The following PIGG variants were observed in gnomAD, a reference collection of about 807,000 sequenced individuals.
PIGG encodes GPI ethanolamine phosphate transferase 2, catalytic subunit.
In PIGG, 70 loss-of-function variants were observed where a neutral mutation model predicts 83.2. The ratio of observed to expected loss-of-function variants is 0.84; its 90% CI spans 0.69 to 1.03. The LOEUF (loss-of-function observed/expected upper bound fraction) is 1.03, where lower values mean the gene tolerates loss of function less well. PIGG is among the 50% of genes least tolerant of loss of function. The pLI, the probability that PIGG is intolerant of heterozygous loss-of-function variation, is 0.00. For synonymous variants in PIGG, 532 were observed against 519.5 expected (o/e 1.02, Z -0.33); for missense variants, 1,257 against 1,233.6 (o/e 1.02, Z -0.28).
rs1433009389 is a variant in PIGG, at chr4:523,463, C to A, written c.1619C>A (p.Pro540His). The change falls in exon 9 of 13, where the codon CCC becomes CAC. Residue 540 changes from proline to histidine, a missense_variant. By Grantham distance (77) the Pro-to-His change is moderately conservative. Transcript: ENST00000453061. ...LVGGNTPRKN[P>H]MHPSSRWSEL... Reference sequence around the variant, plus strand: ...AGTGCACTTTCCTTTTCACAGAACCCCATGCATCCCAGCTCAAGGTGGTCA... The same window carrying A: ...AGTGCACTTTCCTTTTCACAGAACCACATGCATCCCAGCTCAAGGTGGTCA... 1.9e-6 allele frequency: 3 copies of A among 1,602,168 alleles called. No homozygotes were observed. In the Admixed American group the frequency reaches 5.1e-5, roughly 27 times the overall value.
rs993959983 is a variant in PIGG at position 522,755 on chromosome 4, T to G, written c.1615-704T>G. On this transcript the variant is annotated intron_variant, in intron 8 of 12. Coordinates refer to ENST00000453061, the MANE Select transcript of PIGG (RefSeq NM_001127178.3). ...GCTTGCACCTCGGGCCCATCTGGGC[T>G]CATGCTCTCTCTCCTGCTATTGAAT... 2.6e-5 allele frequency: 4 copies of G among 153,852 alleles called. No homozygotes were observed. The East Asian group carries it at 7.7e-4, about 30-fold the overall frequency. 9.5% of individuals were successfully genotyped at this position (153,852 alleles called of 1,614,324 possible).
chr4:523,390 A>T, intron 8 of PIGG, 69 bp from the exon 9 acceptor site: 1 of 1,120,154 alleles, frequency 8.9e-7, no homozygotes, highest in Non-Finnish European at 1.3e-6. Flanking sequence ...GTGAGCAAGG[A>T]CTTGACATGC....
intron 2 of PIGG, 72 bp from the exon 3 acceptor site, chr4:505,646 A>AAAC: frequency 8.7e-7 from 1 of 1,149,008 alleles, no homozygotes; most frequent in South Asian, 1.4e-5. Flanking sequence ...AAAAAAAAAA[A>AAAC]AAATCTTCAG....
At position 499,579 on chromosome 4, in the gene PIGG, C is replaced by T. The variant is rs1576985560; in HGVS notation, c.154+90C>T. 6 of 1,452,454 alleles carry T rather than the reference C, an allele frequency of 4.1e-6. No homozygotes were observed. In the East Asian group the frequency reaches 1.0e-4, roughly 25 times the overall value. The allele number at this position is 1,452,454 out of a possible 1,614,324, so 90.0% of individuals were successfully genotyped here. A position where few individuals can be genotyped will look rare whatever the true frequency, so the allele number is the denominator to read the frequency against. On this transcript the variant is annotated intron_variant, in intron 1 of 12. Transcript: ENST00000453061. Reference sequence around the variant, plus strand: ...GAGCCTCGCTGCTCGGATTTCTTCTCGGCGCTCCCCGGTGGTCTCTTCCAT... The same window carrying T: ...GAGCCTCGCTGCTCGGATTTCTTCTTGGCGCTCCCCGGTGGTCTCTTCCAT...
chr4:518,090 C>A (rs564539822), intron 6 of PIGG, among the ~76,000 whole-genome samples: 1 of 152,104 alleles, frequency 6.6e-6, no homozygotes, highest in South Asian at 2.1e-4. Context: ...GCTTGGGAAC[C>A]GGATGTGATG....
At position 528,307 on chromosome 4, in the gene PIGG, TGTG is replaced by T. The variant is rs1294833092; in HGVS notation, c.2261+1080_2261+1082del. The stretch of plus-strand genomic sequence containing the variant: ...TATTTAGGACCTGAAATCATAAGAT[TGTG>T]GTCTTGCTTTTTACTTATTTTTGTA... On this transcript the variant is annotated intron_variant, in intron 10 of 12. Coordinates refer to ENST00000453061, the MANE Select transcript of PIGG (RefSeq NM_001127178.3). This position sits in a 1 kb window ranked among gnomAD's most constrained non-coding sequence, Gnocchi z 4.8. 23 of 984,282 alleles carry T rather than the reference TGTG, an allele frequency of 2.3e-5. No individual in the cohort carries two copies. Among genetic ancestry groups the T allele is most frequent in the Non-Finnish European group, 2.3e-5 (19 of 828,986 alleles). 61.0% of individuals were successfully genotyped at this position (984,282 alleles called of 1,614,324 possible). A position where few individuals can be genotyped will look rare whatever the true frequency, so the allele number is the denominator to read the frequency against.
chr4:509,630 C>G (rs899043201), intron 5 of PIGG, among the ~76,000 whole-genome samples: 2 of 152,240 alleles, frequency 1.3e-5, no homozygotes, highest in African/African-American at 4.8e-5. Flanking sequence ...TCTCACTGAC[C>G]CTTCAGCACC....
rs777836603 is a variant in PIGG at position 530,756 on chromosome 4, A to G, written c.2571+11A>G. 2 of 1,542,718 alleles carry G rather than the reference A, an allele frequency of 1.3e-6. No individual in the cohort carries two copies. The highest frequency in any genetic ancestry group is 2.3e-5 in the South Asian group (2 of 88,622). On this transcript the variant is annotated intron_variant, in intron 11 of 12. Coordinates refer to ENST00000453061, the MANE Select transcript of PIGG (RefSeq NM_001127178.3). ...TTCTTCTATTTTCAGGTAGGTTTTCATTATTATCATGGGTAGTAGACTTCA... is the reference window on the plus strand; with the variant it reads ...TTCTTCTATTTTCAGGTAGGTTTTCGTTATTATCATGGGTAGTAGACTTCA...
chr4:534,713 G>A (rs1311453749), intron 12 of PIGG, among the ~76,000 whole-genome samples: 1 of 152,042 alleles, frequency 6.6e-6, no homozygotes, highest in Non-Finnish European at 1.5e-5. Context: ...TCCACCGGGG[G>A]GACCCCAGAT....
rs368124174 is a variant in PIGG, at chr4:523,789, C to T, written c.1945C>T (p.Arg649Cys). 128 of 1,613,696 alleles carry T rather than the reference C, an allele frequency of 7.9e-5. No individual in the cohort carries two copies. The highest frequency in any genetic ancestry group is 6.5e-4 in the South Asian group (59 of 91,082). ...SPSTSEVLRG[R>C]EKWMVLASPW... Reference sequence around the variant, plus strand: ...CTCTACCTCCGAAGTGCTCAGAGGCCGCGAGAAGTGGATGGTGCTGGCCAG... The same window carrying T: ...CTCTACCTCCGAAGTGCTCAGAGGCTGCGAGAAGTGGATGGTGCTGGCCAG... The change falls in exon 9 of 13, where the codon CGC (arginine) becomes TGC (cysteine). Residue 649 changes from arginine to cysteine, a missense_variant. Arg to Cys is a radical substitution (Grantham distance 180). Transcript: ENST00000453061.
rs200850789 is a variant in PIGG, at chr4:523,850, G to A, written c.2006G>A (p.Arg669His). Reference protein sequence around the residue: ...WLILACCRLLRSLNQTGVQWA... With the variant: ...WLILACCRLLHSLNQTGVQWA... ...ATACTGGCCTGCTGCCGGCTGCTGC[G>A]CTCCCTAAACCAGACAGGTGTGCAG... Residue 669 changes from arginine to histidine, a missense_variant, in exon 9 of 13, where the codon CGC (arginine) becomes CAC (histidine). Transcript: ENST00000453061. 5.4e-5 allele frequency: 86 copies of A among 1,594,938 alleles called. No homozygotes were observed. The highest frequency in any genetic ancestry group is 2.5e-4 in the African/African-American group (19 of 74,598).
In PIGG at chr4:523,907, T is replaced by C; in HGVS notation, c.2063T>C (p.Leu688Pro). ...CACCGGCCTGACCTCGGCCACTGGC[T>C]CACCAGGTGAGAGCGTAGGCCCGTG... ...WAHRPDLGHW[L>P]TSSDHKAELS... is the part of the protein sequence containing the mutation. The change falls in exon 9 of 13, where the codon CTC becomes CCC. Residue 688 changes from leucine (L) to proline (P), a missense_variant. Coordinates refer to ENST00000453061, the MANE Select transcript of PIGG (RefSeq NM_001127178.3). 1.3e-6 allele frequency: 2 copies of C among 1,522,862 alleles called. No homozygotes were observed. The highest frequency in any genetic ancestry group is 1.8e-6 in the Non-Finnish European group (2 of 1,127,018). The allele number at this position is 1,522,862 out of a possible 1,614,324, so 94.3% of individuals were successfully genotyped here.
chr4:499,560 C>G, intron 1 of PIGG, 71 bp downstream of exon 1: 1 of 1,473,890 alleles, frequency 6.8e-7, no homozygotes, highest in South Asian at 1.3e-5. Context: ...TTCTGAGCCT[C>G]GCTGCTCGGA....
At chr4:525,411 G>C (rs535959768) in intron 9 of PIGG, 1 of 964,672 alleles carries the variant, frequency 1.0e-6, no homozygotes, top group Admixed American at 6.1e-5. Flanking sequence ...GTAACAGCAA[G>C]GGTTGCGGTC....
At position 518,776 on chromosome 4, in the gene PIGG, C is replaced by T. The variant is rs115383787; in HGVS notation, c.1115-2280C>T. Among the ~76,000 whole-genome samples the T allele has an allele frequency of 2.2e-3, 342 of 152,220 alleles. 2 individuals are homozygous for T. The highest frequency in any genetic ancestry group is 7.6e-3 in the African/African-American group (317 of 41,536). Reference sequence around the variant, plus strand: ...CACAGCCACAGCGTCTGGAACCCCCCCTGGCGGCCCATTGTCTACACCGTC... The same window carrying T: ...CACAGCCACAGCGTCTGGAACCCCCTCTGGCGGCCCATTGTCTACACCGTC... On this transcript the variant is annotated intron_variant, in intron 6 of 12. Coordinates refer to ENST00000453061, the MANE Select transcript of PIGG (RefSeq NM_001127178.3).
intron 12 of PIGG, among the ~76,000 whole-genome samples, chr4:535,250 G>A (rs1343148545): frequency 1.3e-5 from 2 of 152,090 alleles, no homozygotes; most frequent in African/African-American, 4.8e-5. Flanking sequence ...TCTGTAAAAC[G>A]GGAGTTGCTG....
chr4:508,232 C>G lies in PIGG; in HGVS notation c.760-597C>G, dbSNP rs1720534416. Among the ~76,000 whole-genome samples the G allele has an allele frequency of 2.0e-5, 3 of 152,206 alleles. No individual in the cohort carries two copies. In the South Asian group the frequency reaches 6.2e-4, roughly 31 times the overall value. On this transcript the variant is annotated intron_variant, in intron 4 of 12. Coordinates refer to ENST00000453061, the MANE Select transcript of PIGG (RefSeq NM_001127178.3). ...CTTTCAACAGCGTGTTGAGAGAAGC[C>G]TTCCCTGAAGACGTGTGCAGGGTGA...
chr4:527,439 G>C, intron 10 of PIGG: 2 of 1,318,202 alleles, frequency 1.5e-6, no homozygotes, highest in Admixed American at 3.6e-5. Flanking sequence ...TGCGTTGTTA[G>C]CACTTTTTAT....
intron 2 of PIGG, among the ~76,000 whole-genome samples, chr4:503,194 G>T (rs1718365284): frequency 6.6e-6 from 1 of 152,110 alleles, no homozygotes; most frequent in Non-Finnish European, 1.5e-5. Context: ...GACTGAGCTG[G>T]TATCTCCACT....
Sources: allele counts gnomAD v4.1 joint callset (sites outside exome capture counted in the v4.1 genomes callset), GRCh38; gene constraint gnomAD v4.1.1; non-coding constraint Gnocchi (gnomAD v3.1); transcripts MANE v1.5; gene names NCBI Gene and HGNC (gene_info 2026-07-23, HGNC 2026-07-21).